The following ADAM22 variants were observed in gnomAD, a reference collection of about 807,000 sequenced individuals.
ADAM22 encodes disintegrin and metalloproteinase domain-containing protein 22.
In ADAM22, 65 loss-of-function variants were observed where a neutral mutation model predicts 144.6. The ratio of observed to expected loss-of-function variants is 0.45; its 90% CI spans 0.37 to 0.55. The LOEUF (loss-of-function observed/expected upper bound fraction) is 0.55, where lower values mean the gene tolerates loss of function less well. ADAM22 is among the 20% of genes least tolerant of loss of function. The pLI is 0.00. For synonymous variants in ADAM22, 391 were observed against 412.6 expected, an observed-to-expected ratio of 0.95 and a Z score of 0.63; for missense variants, 974 against 1,184.9, an observed-to-expected ratio of 0.82 and a Z score of 2.61.
chr7:88,105,907 T>C (rs1301655596), intron 4 of ADAM22, among the ~76,000 whole-genome samples: 1 of 152,218 alleles, frequency 6.6e-6, no homozygotes, highest in Non-Finnish European at 1.5e-5. Context: ...GTACTTCCTA[T>C]GAGCCAAGCA....
chr7:88,077,160 T>C (rs1008086532), intron 4 of ADAM22, among the ~76,000 whole-genome samples: 1 of 152,170 alleles, frequency 6.6e-6, no homozygotes, highest in Non-Finnish European at 1.5e-5. Flanking sequence ...CTTTGTTCAG[T>C]TTTTTATGTA....
At chr7:88,136,134 A>C (rs1832938330) in intron 14 of ADAM22, 103 bp downstream of exon 14, 2 of 975,870 alleles carry the variant, frequency 2.0e-6, no homozygotes, top group African/African-American at 1.7e-5. Flanking sequence ...GGAATCTAGC[A>C]CTTATAAAAT....
At chr7:88,165,344 G>T (rs1268874709) in intron 23 of ADAM22, among the ~76,000 whole-genome samples, 2 of 152,068 alleles carry the variant, frequency 1.3e-5, no homozygotes, top group Non-Finnish European at 2.9e-5. Context: ...AGGTTGTATA[G>T]CCTTGTGGAA....
intron 20 of ADAM22, among the ~76,000 whole-genome samples, chr7:88,152,149 C>G (rs1264058313): frequency 6.6e-6 from 1 of 152,112 alleles, no homozygotes; most frequent in Non-Finnish European, 1.5e-5. Flanking sequence ...AACATTTAGT[C>G]AGGCAGGTTT....
intron 7 of ADAM22, among the ~76,000 whole-genome samples, chr7:88,124,619 A>C (rs956640340): frequency 6.6e-6 from 1 of 151,760 alleles, no homozygotes; most frequent in Non-Finnish European, 1.5e-5. Flanking sequence ...GAGATGGGTT[A>C]CTTTTGTAAT....
chr7:87,968,252 A>G (rs1408578284), intron 2 of ADAM22, among the ~76,000 whole-genome samples: 7 of 152,236 alleles, frequency 4.6e-5, no homozygotes, highest in African/African-American at 1.4e-4. Context: ...TTGCTTTTCA[A>G]CTGTTGGCTA....
At chr7:88,118,671 C>A (rs1024244145) in intron 7 of ADAM22, among the ~76,000 whole-genome samples, 3 of 139,238 alleles carry the variant, frequency 2.2e-5, no homozygotes, top group African/African-American at 5.4e-5. Context: ...ATATATATAT[C>A]TTTTTTTTTT....
At chr7:88,162,764 C>T (rs1842029366) in intron 22 of ADAM22, among the ~76,000 whole-genome samples, 1 of 151,990 alleles carries the variant, frequency 6.6e-6, no homozygotes, top group Non-Finnish European at 1.5e-5. Flanking sequence ...AAATGATAAA[C>T]CTGTTTCAAT....
At chr7:87,990,793 G>T (rs977354530) in intron 3 of ADAM22, among the ~76,000 whole-genome samples, 4 of 152,042 alleles carry the variant, frequency 2.6e-5, no homozygotes, top group African/African-American at 9.7e-5. Context: ...CTCCCGAGTA[G>T]CTGGGATTAC....
chr7:88,114,246 G>A (rs968920624), intron 5 of ADAM22, among the ~76,000 whole-genome samples: 3 of 152,110 alleles, frequency 2.0e-5, no homozygotes, highest in African/African-American at 7.2e-5. Flanking sequence ...TCTGAGGAGA[G>A]TCCTGAAAGA....
chr7:88,078,775 A>T (rs147788440), intron 4 of ADAM22, among the ~76,000 whole-genome samples: 1,946 of 152,338 alleles, frequency 0.013, 42 homozygotes, highest in African/African-American at 0.043. Flanking sequence ...AATGAAATGA[A>T]GCGTGAAGAG....
intron 3 of ADAM22, among the ~76,000 whole-genome samples, chr7:88,028,371 T>C (rs758755423): frequency 3.3e-5 from 5 of 152,186 alleles, no homozygotes; most frequent in Non-Finnish European, 7.3e-5. Flanking sequence ...TTTTTTTGAA[T>C]GTTTTAAAGA....
At chr7:88,175,315 G>A (rs1845362089) in intron 26 of ADAM22, among the ~76,000 whole-genome samples, 1 of 152,120 alleles carries the variant, frequency 6.6e-6, no homozygotes, top group African/African-American at 2.4e-5. Flanking sequence ...AATAAGCATA[G>A]TATTGTAGAC....
At chr7:88,162,898 A>C (rs1842066999) in intron 22 of ADAM22, 114 bp from the exon 23 acceptor site, 2 of 1,082,328 alleles carry the variant, frequency 1.8e-6, no homozygotes, top group Non-Finnish European at 2.7e-6. Flanking sequence ...CTGGTCTTTA[A>C]TAAGTAATAA....
rs148008174 is a variant in ADAM22, at chr7:88,035,760, A to G, written c.324-39866A>G. Reference sequence around the variant, plus strand: ...CACACCATTTTATATAACAGACTTGAGTATCCATGGATTTTGGTATCTGCT... The same window carrying G: ...CACACCATTTTATATAACAGACTTGGGTATCCATGGATTTTGGTATCTGCT... On this transcript the variant is annotated intron_variant, in intron 3 of 31. Coordinates refer to ENST00000413139, the MANE Select transcript of ADAM22 (RefSeq NM_001324418.2). 3.2e-3 allele frequency among the ~76,000 whole-genome samples: 493 copies of G among 152,344 alleles called. 2 individuals are homozygous for G. Among genetic ancestry groups the G allele is most frequent in the African/African-American group, 0.011 (472 of 41,580 alleles).
intron 3 of ADAM22, among the ~76,000 whole-genome samples, chr7:88,072,150 C>G (rs1813002730): frequency 6.6e-6 from 1 of 152,074 alleles, no homozygotes; most frequent in South Asian, 2.1e-4. Flanking sequence ...TGCAAACAAA[C>G]AAAACCAAAT....
chr7:87,975,226 A>C (rs1461710357), intron 2 of ADAM22, among the ~76,000 whole-genome samples: 2 of 152,170 alleles, frequency 1.3e-5, no homozygotes, highest in African/African-American at 4.8e-5. Context: ...GTCATTCTCG[A>C]CAGCATTTCT....
intron 3 of ADAM22, among the ~76,000 whole-genome samples, chr7:87,994,672 A>G (rs1394220156): frequency 6.6e-6 from 1 of 152,100 alleles, no homozygotes; most frequent in Non-Finnish European, 1.5e-5. Flanking sequence ...ATAACAGACA[A>G]CAAAGCTTAA....
intron 5 of ADAM22, among the ~76,000 whole-genome samples, chr7:88,109,618 G>A (rs1490743261): frequency 6.6e-6 from 1 of 151,896 alleles, no homozygotes; most frequent in Non-Finnish European, 1.5e-5. Context: ...GAATATTAAG[G>A]CGATTGAAAC....
Sources: allele counts gnomAD v4.1 joint callset (sites outside exome capture counted in the v4.1 genomes callset), GRCh38; gene constraint gnomAD v4.1.1; transcripts MANE v1.5; gene names NCBI Gene and HGNC (gene_info 2026-07-23, HGNC 2026-07-21).